Variants in SLC22A14 observed in about 807,000 individuals in gnomAD.
SLC22A14 encodes the protein organic cation transporter-like 4.
Under a neutral mutation model 53.9 loss-of-function variants are expected in SLC22A14, and 50 were observed. The observed-to-expected ratio is 0.93, with a 90% confidence interval of 0.74 to 1.17. The LOEUF is 1.17. Ranked by LOEUF, SLC22A14 falls within the 50% of genes most tolerant of loss-of-function variation. The pLI is 0.00. For synonymous variants in SLC22A14, 312 were observed against 303.0 expected (o/e 1.03, Z -0.31); for missense variants, 671 against 734.7 (o/e 0.91, Z 1.00).
chr3:38,285,908 G>A (rs1703781316), intron 1 of SLC22A14, among the ~76,000 whole-genome samples: 1 of 152,196 alleles, frequency 6.6e-6, no homozygotes. Context: ...ATGTATGCAA[G>A]ATAGTTTTCT....
chr3:38,306,905 G>T (rs1252789363), intron 2 of SLC22A14, among the ~76,000 whole-genome samples: 2 of 152,310 alleles, frequency 1.3e-5, no homozygotes, highest in South Asian at 2.1e-4. Context: ...TGCAATCTAG[G>T]CCCTTTACAA....
intron 1 of SLC22A14, among the ~76,000 whole-genome samples, chr3:38,291,262 G>A (rs546225242): frequency 1.3e-5 from 2 of 152,226 alleles, no homozygotes; most frequent in South Asian, 2.1e-4. Flanking sequence ...AGTTGAGGTC[G>A]GGATCAGTCA....
rs759833919 is a variant in SLC22A14, at chr3:38,312,048, C to A, written c.945-951C>A. Among the ~76,000 whole-genome samples the A allele has an allele frequency of 9.8e-4, 149 of 152,202 alleles. No homozygotes were observed. In the Middle Eastern group the frequency reaches 0.017, roughly 17 times the overall value. On this transcript the variant is annotated intron_variant, in intron 5 of 10. Coordinates refer to ENST00000448498, the MANE Select transcript of SLC22A14 (RefSeq NM_001320033.2). ...GAACCCTGGTGGGAGAGAGGAGGAG[C>A]AGGGCAGGTATAAGGAATGAAGTTG... is the stretch of plus-strand genomic sequence containing the variant.
intron 7 of SLC22A14, 36 bp from the exon 8 acceptor site, chr3:38,313,691 C>CGCGCGCGCGCGCGTGT: frequency 5.3e-6 from 5 of 941,118 alleles, no homozygotes; most frequent in Admixed American, 2.6e-5. Flanking sequence ...TGTGTGCGCG[C>CGCGCGCGCGCGCGTGT]GTGTGCACGC....
intron 1 of SLC22A14, among the ~76,000 whole-genome samples, chr3:38,287,326 G>A (rs992030507): frequency 2.0e-5 from 3 of 152,042 alleles, no homozygotes; most frequent in Middle Eastern, 3.2e-3. Flanking sequence ...TTTGTGGTTA[G>A]CACAAAACAG....
chr3:38,282,080 C>T (rs1025060604), upstream of SLC22A14, among the ~76,000 whole-genome samples: 4 of 152,126 alleles, frequency 2.6e-5, no homozygotes, highest in Non-Finnish European at 4.4e-5. Context: ...GGAGAATTTC[C>T]GAGAGTGGAG....
Position 38,307,352 on chromosome 3 carries a change from T to A in SLC22A14, c.615T>A (p.Thr205=), listed in dbSNP as rs780121114. 52 of 1,611,808 alleles carry A rather than the reference T, an allele frequency of 3.2e-5. No individual in the cohort carries two copies. The highest frequency in any genetic ancestry group is 4.4e-5 in the Non-Finnish European group (52 of 1,177,928). Residue 205 remains threonine (T), a synonymous_variant, in exon 3 of 11, where the codon ACT becomes ACA. Transcript: ENST00000448498. This position sits in a 1 kb window ranked among gnomAD's most constrained non-coding sequence, Gnocchi z 4.4. ...GCTCTCTCATCTTCAGGCTCATAAC[T>A]GACAAGTGAGTCCCCGGGAGTTTCT... ...PIGSLIFRLI[T]DKMGRYPAIL...
chr3:38,308,002 C>T, intron 4 of SLC22A14: 1 of 486,120 alleles, frequency 2.1e-6, no homozygotes, highest in Non-Finnish European at 3.7e-6. Flanking sequence ...GACTGCCCTT[C>T]CACCTTCATC....
At position 38,293,025 on chromosome 3, in the gene SLC22A14, C is replaced by T. The variant is rs1353016058; in HGVS notation, c.-1+10686C>T. 2.0e-5 allele frequency among the ~76,000 whole-genome samples: 3 copies of T among 152,102 alleles called. No individual in the cohort carries two copies. In the East Asian group the frequency reaches 5.8e-4, roughly 29 times the overall value. ...CCAGTGTCCAGGAGACAGTTAACCTCCTGGCCCTCAATGGTCAAGCATACC... is the reference window on the plus strand; with the variant it reads ...CCAGTGTCCAGGAGACAGTTAACCTTCTGGCCCTCAATGGTCAAGCATACC... On this transcript the variant is annotated intron_variant, in intron 1 of 10. Transcript: ENST00000448498.
chr3:38,309,164 T>A, intron 5 of SLC22A14, 42 bp downstream of exon 5: 1 of 1,550,946 alleles, frequency 6.4e-7, no homozygotes, highest in Non-Finnish European at 8.9e-7. Context: ...CTGGGTCTGA[T>A]GGGCTGGATG....
chr3:38,286,559 T>A (rs1023257143), intron 1 of SLC22A14, among the ~76,000 whole-genome samples: 23 of 151,110 alleles, frequency 1.5e-4, no homozygotes, highest in Non-Finnish European at 2.8e-4. Flanking sequence ...TACAGACGTG[T>A]GCCACCACGC....
In SLC22A14 at chr3:38,313,836, CT is replaced by C. The variant is rs1704553745; in HGVS notation, c.1274del (p.Leu425ArgfsTer18). The C allele has an allele frequency of 1.2e-6, 2 of 1,613,936 alleles. No homozygotes were observed. The highest frequency in any genetic ancestry group is 3.3e-5 in the Admixed American group (2 of 60,008). On this transcript the variant is annotated frameshift_variant, in exon 8 of 11. Transcript: ENST00000448498. LOFTEE classifies it high-confidence loss of function. Reference sequence around the variant, plus strand: ...CAGCATCATGGAGGTGCCTGCCCGGCTGTGCTGCATCTTTCTCCTCCAGCAG... The same window carrying C: ...CAGCATCATGGAGGTGCCTGCCCGGCGTGCTGCATCTTTCTCCTCCAGCAG... ...VPSIMEVPARLCCIFLLQQIG... is the reference protein window; with the variant it reads ...VPSIMEVPARXCCIFLLQQIG...
chr3:38,303,561 C>G (rs1704220151), intron 1 of SLC22A14, among the ~76,000 whole-genome samples: 1 of 151,944 alleles, frequency 6.6e-6, no homozygotes, highest in Non-Finnish European at 1.5e-5. Flanking sequence ...CTATCTCTAT[C>G]TTCATTCTAT....
chr3:38,305,756 C>T, intron 1 of SLC22A14: 1 of 455,758 alleles, frequency 2.2e-6, no homozygotes. Flanking sequence ...AGGAGAGTTC[C>T]TAAGAACTTA....
At chr3:38,289,180 CAAAA>C (rs1173451784) in intron 1 of SLC22A14, among the ~76,000 whole-genome samples, 11 of 52,992 alleles carry the variant, frequency 2.1e-4, no homozygotes, top group South Asian at 8.3e-4. Flanking sequence ...TCTATCTCTA[CAAAA>C]AAAAAAAAAA....
chr3:38,300,813 A>G (rs1019655666), intron 1 of SLC22A14, among the ~76,000 whole-genome samples: 1 of 152,200 alleles, frequency 6.6e-6, no homozygotes. Flanking sequence ...AAGCTGGTAC[A>G]ATGCGGTTCA....
intron 9 of SLC22A14, 98 bp downstream of exon 9, chr3:38,315,809 C>A: frequency 7.9e-7 from 1 of 1,265,334 alleles, no homozygotes; most frequent in Non-Finnish European, 1.1e-6. Flanking sequence ...CACCTGGTGA[C>A]AAGCACTGTG....
chr3:38,318,408 C>A lies in SLC22A14; in HGVS notation c.*159C>A, dbSNP rs1293468923. On this transcript the variant is annotated 3_prime_UTR_variant, in exon 11 of 11. Coordinates refer to ENST00000448498, the MANE Select transcript of SLC22A14 (RefSeq NM_001320033.2). ...ACCATCTTGGGTTGGAATTGAGTGG[C>A]CAAGTATGGGGTCATGGATTCCAGG... 2 of 694,608 alleles carry A rather than the reference C, an allele frequency of 2.9e-6. No individual in the cohort carries two copies. Among genetic ancestry groups the A allele is most frequent in the African/African-American group, 1.8e-5 (1 of 56,966 alleles). 43.0% of individuals were successfully genotyped at this position (694,608 alleles called of 1,614,324 possible).
rs1704512027 is a variant in SLC22A14 at position 38,313,005 on chromosome 3, C to T, written c.951C>T (p.Leu317=). The T allele has an allele frequency of 2.5e-6, 4 of 1,579,612 alleles. No homozygotes were observed. The highest frequency in any genetic ancestry group is 1.3e-5 in the African/African-American group (1 of 74,784). The change falls in exon 6 of 11, where the codon CTC becomes CTT. Residue 317 remains leucine, a synonymous_variant. Coordinates refer to ENST00000448498, the MANE Select transcript of SLC22A14 (RefSeq NM_001320033.2). ...AGAGGGGCTGGCCACGCAGGATTCT[C>T]CCGGAGTCCCCGCGGTGGCTGATGA... ...VIPFISYIWI[L]PESPRWLMMK...
Sources: allele counts gnomAD v4.1 joint callset (sites outside exome capture counted in the v4.1 genomes callset), GRCh38; gene constraint gnomAD v4.1.1; non-coding constraint Gnocchi (gnomAD v3.1); transcripts MANE v1.5; gene names NCBI Gene and HGNC (gene_info 2026-07-23, HGNC 2026-07-21).